ANXA13: variants seen among roughly 807,000 people sequenced by gnomAD.
The protein encoded by ANXA13 is annexin A13.
In ANXA13, 36 loss-of-function variants were observed where a neutral mutation model predicts 46.6. The observed-to-expected ratio is 0.77, with a 90% CI of 0.59 to 1.02. The LOEUF (loss-of-function observed/expected upper bound fraction) is 1.02, where lower values mean the gene tolerates loss of function less well. ANXA13 is among the 50% of genes least tolerant of loss of function. The pLI, the probability that ANXA13 is intolerant of heterozygous loss-of-function variation, is 0.00. For missense variants in ANXA13, 417 were observed against 396.5 expected (o/e 1.05, Z -0.44); for synonymous variants, 163 against 152.9 (o/e 1.07, Z -0.49).
chr8:123,720,507 A>G (rs1424010264), intron 1 of ANXA13, among the ~76,000 whole-genome samples: 1 of 152,078 alleles, frequency 6.6e-6, no homozygotes, highest in Non-Finnish European at 1.5e-5. Flanking sequence ...AAATATTTTA[A>G]ACATCTTTAC....
chr8:123,725,570 G>A (rs1240598717), intron 1 of ANXA13, among the ~76,000 whole-genome samples: 1 of 152,126 alleles, frequency 6.6e-6, no homozygotes, highest in African/African-American at 2.4e-5. Context: ...AGATTGATGA[G>A]CAATTTGAAA....
intron 2 of ANXA13, among the ~76,000 whole-genome samples, chr8:123,704,290 A>G (rs988904682): frequency 6.6e-6 from 1 of 152,030 alleles, no homozygotes; most frequent in African/African-American, 2.4e-5. Flanking sequence ...AATGTTAGAG[A>G]CTATCTAGTC....
chr8:123,699,380 G>C (rs1034372516), intron 3 of ANXA13, among the ~76,000 whole-genome samples: 1 of 152,082 alleles, frequency 6.6e-6, no homozygotes, highest in Non-Finnish European at 1.5e-5. Flanking sequence ...ATGGGGTTTT[G>C]CCATGTTGTC....
intron 4 of ANXA13, among the ~76,000 whole-genome samples, chr8:123,696,344 G>T (rs1436996512): frequency 6.6e-6 from 1 of 152,130 alleles, no homozygotes; most frequent in African/African-American, 2.4e-5. Flanking sequence ...TCCTATTGAT[G>T]GAGGCTTAGG....
chr8:123,718,957 T>G (rs1813808095), intron 1 of ANXA13, among the ~76,000 whole-genome samples: 1 of 152,228 alleles, frequency 6.6e-6, no homozygotes, highest in South Asian at 2.1e-4. Context: ...CCTGATCAAA[T>G]GCCTTCTGTC....
At chr8:123,711,013 A>AG (rs1056073461) in intron 2 of ANXA13, among the ~76,000 whole-genome samples, 4 of 147,732 alleles carry the variant, frequency 2.7e-5, no homozygotes, top group African/African-American at 7.4e-5. Context: ...CCAAGGATAC[A>AG]GGGGAAAATC....
chr8:123,727,676 C>A (rs1814028590), intron 1 of ANXA13: 1 of 144,296 alleles, frequency 6.9e-6, no homozygotes, highest in African/African-American at 2.6e-5. Context: ...TACCTGGTCC[C>A]AAATGTCAGC....
chr8:123,708,761 C>T (rs1360349441), intron 2 of ANXA13, among the ~76,000 whole-genome samples: 9 of 152,138 alleles, frequency 5.9e-5, no homozygotes, highest in African/African-American at 9.7e-5. Context: ...ATCCTGGTGT[C>T]GGCAGGCCCA....
chr8:123,734,378 C>T (rs17258588), intron 1 of ANXA13, among the ~76,000 whole-genome samples: 55,809 of 151,948 alleles, frequency 0.37, 10,553 homozygotes, highest in South Asian at 0.48. Flanking sequence ...GTACACTCTA[C>T]CTGCAAAGCT....
chr8:123,696,636 G>C lies in ANXA13; in HGVS notation c.358-915C>G, dbSNP rs543597542. 4.6e-5 allele frequency among the ~76,000 whole-genome samples: 7 copies of C among 152,266 alleles called. No homozygotes were observed. The East Asian group carries it at 1.4e-3, about 29-fold the overall frequency. ...AGAAGGTGGTGATGGGGAGAAAGCG[G>C]TGGGGAGCCTCACTGCTCCTGGGTG... On this transcript the variant is annotated intron_variant, in intron 4 of 10. Coordinates refer to ENST00000419625, the MANE Select transcript of ANXA13 (RefSeq NM_004306.4).
At chr8:123,702,607 C>G (rs757918380) in intron 3 of ANXA13, 35 bp downstream of exon 3, 3 of 1,566,262 alleles carry the variant, frequency 1.9e-6, no homozygotes, top group Non-Finnish European at 1.8e-6. Flanking sequence ...GAGGCCATGG[C>G]TGGGTGCAAG....
At chr8:123,721,322 G>C (rs1813866943) in intron 1 of ANXA13, among the ~76,000 whole-genome samples, 1 of 152,128 alleles carries the variant, frequency 6.6e-6, no homozygotes, top group Non-Finnish European at 1.5e-5. Context: ...GGTCACATAA[G>C]TTCTGCCTCC....
intron 3 of ANXA13, among the ~76,000 whole-genome samples, chr8:123,701,396 G>A (rs1364995003): frequency 6.6e-6 from 1 of 152,134 alleles, no homozygotes; most frequent in Non-Finnish European, 1.5e-5. Context: ...CTTGAACCCG[G>A]GAGGCAGAGG....
intron 1 of ANXA13, among the ~76,000 whole-genome samples, chr8:123,716,344 C>A (rs1813758567): frequency 6.6e-6 from 1 of 152,160 alleles, no homozygotes; most frequent in African/African-American, 2.4e-5. Flanking sequence ...CTCGGCCTCC[C>A]AACATGCTAG....
intron 1 of ANXA13, among the ~76,000 whole-genome samples, chr8:123,722,364 AAGAAAG>A (rs1813895044): frequency 2.2e-5 from 2 of 91,566 alleles, no homozygotes; most frequent in Admixed American, 1.9e-4. Context: ...GAAAGAAAGA[AAGAAAG>A]AAAGAAAGAA....
intron 10 of ANXA13, 36 bp downstream of exon 10, chr8:123,684,574 T>G: frequency 7.0e-7 from 1 of 1,431,324 alleles, no homozygotes; most frequent in Non-Finnish European, 9.9e-7. Context: ...AAAAGAGAAG[T>G]TGCAGCCGCC....
chr8:123,688,947 C>T lies in ANXA13; in HGVS notation c.643-1G>A. ...CTTCTTCTATGTCTTTGCCAATGAG[C>T]TGCAGCGAAAACCAAAATCAACTGT... On this transcript the variant is annotated splice_acceptor_variant, in intron 8 of 10. Coordinates refer to ENST00000419625, the MANE Select transcript of ANXA13 (RefSeq NM_004306.4). LOFTEE classifies it high-confidence loss of function. 3 of 1,613,630 alleles carry T rather than the reference C, an allele frequency of 1.9e-6. No individual in the cohort carries two copies. The highest frequency in any genetic ancestry group is 2.5e-6 in the Non-Finnish European group (3 of 1,179,696).
At chr8:123,706,649 A>T (rs1297265468) in intron 2 of ANXA13, among the ~76,000 whole-genome samples, 1 of 152,126 alleles carries the variant, frequency 6.6e-6, no homozygotes, top group Non-Finnish European at 1.5e-5. Context: ...ACTTTTTCCA[A>T]TTGGCATTCA....
intron 2 of ANXA13, 34 bp downstream of exon 2, chr8:123,712,644 C>T (rs375342008): frequency 6.2e-7 from 1 of 1,600,990 alleles, no homozygotes; most frequent in African/African-American, 1.3e-5. Flanking sequence ...TAATCAACTT[C>T]AGAAGCAAAT....
Sources: allele counts gnomAD v4.1 joint callset (sites outside exome capture counted in the v4.1 genomes callset), GRCh38; gene constraint gnomAD v4.1.1; transcripts MANE v1.5; gene names NCBI Gene and HGNC (gene_info 2026-07-23, HGNC 2026-07-21).